The following TJP1 variants were observed in gnomAD, a reference collection of about 807,000 sequenced individuals.
TJP1 encodes tight junction protein 1.
TJP1 carries 43 observed loss-of-function variants against 194.2 expected under a neutral mutation model. That is an observed-to-expected ratio of 0.22 (90% confidence interval 0.17 to 0.29). The LOEUF is 0.29. Among genes scored for constraint, TJP1 ranks in the 10% least tolerant of loss-of-function variants. TJP1 has a pLI of 1.00. For synonymous variants in TJP1, 801 were observed against 779.0 expected, an observed-to-expected ratio of 1.03 and a Z score of -0.47; for missense variants, 1,971 against 2,185.7, an observed-to-expected ratio of 0.90 and a Z score of 1.96.
intron 2 of TJP1, among the ~76,000 whole-genome samples, chr15:29,904,856 A>G (rs1280889037): frequency 6.6e-6 from 1 of 152,204 alleles, no homozygotes. Flanking sequence ...ACAGACAGAG[A>G]TACACAGGCA....
At chr15:29,894,471 T>A (rs888717285) in intron 2 of TJP1, among the ~76,000 whole-genome samples, 30 of 152,134 alleles carry the variant, frequency 2.0e-4, no homozygotes, top group African/African-American at 4.8e-4. Context: ...AAAATATATA[T>A]GCAAAATTGA....
intron 2 of TJP1, among the ~76,000 whole-genome samples, chr15:29,832,528 T>C (rs781024241): frequency 6.6e-6 from 1 of 152,208 alleles, no homozygotes; most frequent in East Asian, 1.9e-4. Context: ...AGAAGTACTA[T>C]ACACATATGC....
At chr15:29,758,708 G>C (rs1193632032) in intron 8 of TJP1, among the ~76,000 whole-genome samples, 1 of 152,166 alleles carries the variant, frequency 6.6e-6, no homozygotes, top group Non-Finnish European at 1.5e-5. Flanking sequence ...CTGTGTGTGT[G>C]TATGTGTTGC....
At chr15:29,737,141 A>C (rs2044087328) in intron 11 of TJP1, 123 bp downstream of exon 11, 2 of 1,208,554 alleles carry the variant, frequency 1.7e-6, no homozygotes, top group Admixed American at 2.3e-5. Context: ...TTCAAAGTTT[A>C]ACTGGCTCAA....
intron 1 of TJP1, among the ~76,000 whole-genome samples, chr15:29,957,876 G>A (rs556486661): frequency 4.7e-4 from 71 of 152,240 alleles, no homozygotes; most frequent in Non-Finnish European, 9.1e-4. Context: ...CAGTATATGA[G>A]AATACCCATT....
chr15:29,777,717 AT>A (rs34542662), intron 2 of TJP1, among the ~76,000 whole-genome samples: 143,499 of 152,222 alleles, frequency 0.94, 67,844 homozygotes, highest in East Asian at 1. Flanking sequence ...CAAATGTACT[AT>A]TCTTTTGACA....
intron 2 of TJP1, among the ~76,000 whole-genome samples, chr15:29,799,460 G>T (rs2048634732): frequency 1.3e-5 from 2 of 151,474 alleles, no homozygotes; most frequent in African/African-American, 4.9e-5. Flanking sequence ...TGTCACCCAG[G>T]CTGGAGTGCA....
Position 29,700,728 on chromosome 15 carries a change from AAAAAAAAAG to A in TJP1, c.*858_*866del. 1 of 290,586 alleles carries A rather than the reference AAAAAAAAAG, an allele frequency of 3.4e-6. No individual in the cohort carries two copies. The highest frequency in any genetic ancestry group is 5.6e-5 in the East Asian group (1 of 18,014). The allele number at this position is 290,586 out of a possible 1,614,324, so 18.0% of individuals were successfully genotyped here. A position where few individuals can be genotyped will look rare whatever the true frequency, so the allele number is the denominator to read the frequency against. ...ACCACCACTGCCCCTTGTCAAAAAA[AAAAAAAAAG>A]AAAAGAAAAGAAAAGAAAAAAATAT... On this transcript the variant is annotated 3_prime_UTR_variant, in exon 28 of 28. Transcript: ENST00000614355.
downstream of TJP1, chr15:29,699,927 C>A (rs1157534041): frequency 1.8e-5 from 4 of 218,960 alleles, no homozygotes; most frequent in Admixed American, 5.8e-5. Context: ...TGCCTTCTCC[C>A]ACTCTGTCTC....
In TJP1 at chr15:29,806,963, A is replaced by T. The variant is rs2049150887; in HGVS notation, c.28-6261T>A. On this transcript the variant is annotated intron_variant, in intron 1 of 27. Coordinates refer to ENST00000614355, the MANE Select transcript of TJP1 (RefSeq NM_001330239.4). Reference sequence around the variant, plus strand: ...TTCAGGGATTCAACAAACTTCATGAATAGAAGATAAAAATTCAGGAAACAT... The same window carrying T: ...TTCAGGGATTCAACAAACTTCATGATTAGAAGATAAAAATTCAGGAAACAT... 1.3e-5 allele frequency among the ~76,000 whole-genome samples: 2 copies of T among 152,226 alleles called. 1 individual carries two copies. The highest frequency in any genetic ancestry group is 4.1e-4 in the South Asian group (2 of 4,832).
At chr15:29,723,001 T>C (rs1360457668) in intron 18 of TJP1, among the ~76,000 whole-genome samples, 1 of 152,228 alleles carries the variant, frequency 6.6e-6, no homozygotes, top group African/African-American at 2.4e-5. Flanking sequence ...AATGTTTATG[T>C]CCCCTTTGTA....
intron 2 of TJP1, among the ~76,000 whole-genome samples, chr15:29,913,199 A>AAAG (rs58147643): frequency 3.3e-5 from 5 of 151,744 alleles, no homozygotes; most frequent in South Asian, 2.1e-4. Context: ...CAAAAAAAAA[A>AAAG]GGGGGTAGAA....
At chr15:29,870,412 TATA>T (rs2052471677) in intron 2 of TJP1, among the ~76,000 whole-genome samples, 1 of 152,188 alleles carries the variant, frequency 6.6e-6, no homozygotes, top group African/African-American at 2.4e-5. Context: ...AAAATTATCT[TATA>T]ATACACAGAG....
At chr15:29,849,916 A>C (rs181053230) in intron 2 of TJP1, among the ~76,000 whole-genome samples, 1 of 152,068 alleles carries the variant, frequency 6.6e-6, no homozygotes, top group Non-Finnish European at 1.5e-5. Flanking sequence ...GGCAGAAGTG[A>C]TGGCGTGTCC....
chr15:29,720,085 A>C, intron 19 of TJP1, 69 bp from the exon 20 acceptor site: 1 of 1,511,706 alleles, frequency 6.6e-7, no homozygotes, highest in Non-Finnish European at 8.8e-7. Context: ...TTCAATTTAT[A>C]GTGATTGGTA....
intron 1 of TJP1, among the ~76,000 whole-genome samples, chr15:29,963,442 A>G (rs67874101): frequency 0.13 from 20,357 of 152,140 alleles, 1,595 homozygotes; most frequent in South Asian, 0.22. Context: ...TAATGACAAG[A>G]TACTTGGAAA....
At chr15:29,943,251 A>G (rs1728271789) in intron 2 of TJP1, among the ~76,000 whole-genome samples, 1 of 152,222 alleles carries the variant, frequency 6.6e-6, no homozygotes, top group African/African-American at 2.4e-5. Flanking sequence ...CCATGAATTT[A>G]GCTAATCCTT....
rs187986522 is a variant in TJP1 at position 29,704,483 on chromosome 15, A to G, written c.5069-178T>C. Among the ~76,000 whole-genome samples the G allele has an allele frequency of 1.6e-3, 237 of 152,380 alleles. 2 individuals carry two copies. The highest frequency in any genetic ancestry group is 2.2e-3 in the Non-Finnish European group (150 of 68,044). On this transcript the variant is annotated intron_variant, in intron 26 of 27. Coordinates refer to ENST00000614355, the MANE Select transcript of TJP1 (RefSeq NM_001330239.4). ...CCACATATGGAATCTTAAATTTCCC[A>G]GTAGCCACGTTAGAAAGTAAAAAGA...
intron 2 of TJP1, among the ~76,000 whole-genome samples, chr15:29,910,790 G>A (rs1010112237): frequency 1.3e-5 from 2 of 152,146 alleles, no homozygotes; most frequent in Non-Finnish European, 2.9e-5. Flanking sequence ...TACAAGCACA[G>A]AGAAGTCCCA....
Sources: allele counts gnomAD v4.1 joint callset (sites outside exome capture counted in the v4.1 genomes callset), GRCh38; gene constraint gnomAD v4.1.1; transcripts MANE v1.5; gene names NCBI Gene and HGNC (gene_info 2026-07-23, HGNC 2026-07-21).